XDH: variants seen among roughly 807,000 people sequenced by gnomAD.
XDH encodes the protein xanthine dehydrogenase/oxidase.
A neutral mutation model predicts 156.1 loss-of-function variants in XDH; 138 were observed. That is an observed-to-expected ratio of 0.88 (90% CI 0.77 to 1.02). The LOEUF is 1.02. XDH is among the 50% of genes least tolerant of loss of function. The pLI, the probability that XDH is intolerant of heterozygous loss-of-function variation, is 0.00. For missense variants in XDH, 1,849 were observed against 1,684.9 expected (o/e 1.10, Z -1.71); for synonymous variants, 669 against 625.7 (o/e 1.07, Z -1.03).
chr2:31,385,642 C>T (rs920728246), intron 9 of XDH, among the ~76,000 whole-genome samples: 3 of 152,196 alleles, frequency 2.0e-5, no homozygotes, highest in East Asian at 3.9e-4. Flanking sequence ...GTTTAGAAAT[C>T]GACAGAGATT....
intron 18 of XDH, among the ~76,000 whole-genome samples, chr2:31,368,950 G>T (rs1027493655): frequency 2.0e-5 from 3 of 152,168 alleles, no homozygotes; most frequent in African/African-American, 7.2e-5. Context: ...GCCATGAGCA[G>T]AAAGGGGGAT....
chr2:31,375,447 G>A lies in XDH; in HGVS notation c.1535C>T (p.Thr512Ile), dbSNP rs74874345. ...GGMVDFRCTL[T>I]LSFFFKFYLT... Reference sequence around the variant, plus strand: ...GTAGAACTTGAAGAAGAAGCTGAGGGTGAGGGTGCACCGGAAGTCCACCAT... The same window carrying A: ...GTAGAACTTGAAGAAGAAGCTGAGGATGAGGGTGCACCGGAAGTCCACCAT... Residue 512 changes from threonine to isoleucine, a missense_variant, in exon 15 of 36, where the codon ACC (threonine) becomes ATC (isoleucine). Transcript: ENST00000379416. 1 of 1,614,224 alleles carries A rather than the reference G, an allele frequency of 6.2e-7. No individual in the cohort carries two copies. The highest frequency in any genetic ancestry group is 8.5e-7 in the Non-Finnish European group (1 of 1,180,044).
chr2:31,370,374 G>T lies in XDH; in HGVS notation c.1961C>A (p.Thr654Lys), dbSNP rs1228023018. 1 of 1,614,126 alleles carries T rather than the reference G, an allele frequency of 6.2e-7. No individual in the cohort carries two copies. The highest frequency in any genetic ancestry group is 8.5e-7 in the Non-Finnish European group (1 of 1,180,032). The change falls in exon 18 of 36, where the codon ACA (threonine) becomes AAA (lysine). Residue 654 changes from threonine to lysine, a missense_variant. Coordinates refer to ENST00000379416, the MANE Select transcript of XDH (RefSeq NM_000379.4). The part of the protein sequence containing the change: ...SNITGICNDE[T>K]VFAKDKVTCV... ...ACTTACCTTATCCTTCGCAAAGACTGTCTCATCATTACAAATTCCAGTTAT... is the reference window on the plus strand; with the variant it reads ...ACTTACCTTATCCTTCGCAAAGACTTTCTCATCATTACAAATTCCAGTTAT...
At chr2:31,346,179 G>C (rs1457180043) in intron 30 of XDH, among the ~76,000 whole-genome samples, 2 of 152,172 alleles carry the variant, frequency 1.3e-5, no homozygotes, top group Non-Finnish European at 2.9e-5. Flanking sequence ...ACAGCCTCCC[G>C]CCTGCAAGAG....
intron 3 of XDH, among the ~76,000 whole-genome samples, chr2:31,401,827 G>A (rs1687068901): frequency 6.6e-6 from 1 of 152,206 alleles, no homozygotes. Flanking sequence ...CAAGCCCTTA[G>A]CTAGAACTTC....
At chr2:31,378,111 G>GA (rs1686310900) in intron 13 of XDH, among the ~76,000 whole-genome samples, 476 of 41,352 alleles carry the variant, frequency 0.012, no homozygotes, top group East Asian at 0.028. Flanking sequence ...AGAAAGAAAG[G>GA]AAGGAAGGAA....
intron 35 of XDH, among the ~76,000 whole-genome samples, chr2:31,337,132 C>A (rs1352894600): frequency 1.3e-5 from 2 of 152,046 alleles, no homozygotes; most frequent in Non-Finnish European, 2.9e-5. Context: ...ATCTGGTTTC[C>A]CAAGGTTGCA....
At chr2:31,400,346 C>A (rs1247843003) in intron 4 of XDH, among the ~76,000 whole-genome samples, 1 of 150,582 alleles carries the variant, frequency 6.6e-6, no homozygotes, top group Non-Finnish European at 1.5e-5. Context: ...TCACGCCATT[C>A]TCCTGCCTCA....
chr2:31,414,402 C>T (rs111257330), intron 1 of XDH, among the ~76,000 whole-genome samples: 25 of 151,704 alleles, frequency 1.6e-4, no homozygotes, highest in Admixed American at 1.3e-4. Context: ...CCTCTCTCTC[C>T]CTCATTCTTT....
At chr2:31,382,733 A>G (rs1393684531) in intron 11 of XDH, among the ~76,000 whole-genome samples, 3 of 152,132 alleles carry the variant, frequency 2.0e-5, no homozygotes, top group Admixed American at 1.3e-4. Flanking sequence ...AATGAAGCCT[A>G]TGAGTCGTGG....
intron 32 of XDH, 48 bp downstream of exon 32, chr2:31,342,135 T>C: frequency 1.3e-6 from 2 of 1,525,610 alleles, no homozygotes; most frequent in Middle Eastern, 1.7e-4. Context: ...AACTCAGTTG[T>C]TTCTCTTCTC....
intron 29 of XDH, 125 bp from the exon 30 acceptor site, chr2:31,346,968 G>C: frequency 1.6e-6 from 2 of 1,241,958 alleles, no homozygotes; most frequent in Non-Finnish European, 2.3e-6. Context: ...CACTCAAACA[G>C]CCTGGCCACC....
At chr2:31,365,601 G>C in intron 22 of XDH, 57 bp from the exon 23 acceptor site, 3 of 1,594,682 alleles carry the variant, frequency 1.9e-6, no homozygotes, top group Non-Finnish European at 2.6e-6. Flanking sequence ...GCTCAGCCCT[G>C]CAAGTCTCAG....
chr2:31,347,471 C>A, intron 29 of XDH, 51 bp downstream of exon 29: 1 of 1,611,766 alleles, frequency 6.2e-7, no homozygotes, highest in Non-Finnish European at 8.5e-7. Context: ...CTCTCCAGGC[C>A]CACAGCTCTG....
chr2:31,406,067 G>C, intron 1 of XDH, 103 bp from the exon 2 acceptor site: 2 of 1,312,710 alleles, frequency 1.5e-6, no homozygotes, highest in Non-Finnish European at 2.2e-6. Context: ...TGTAGAGTTA[G>C]TAGGAAGTGT....
chr2:31,387,028 G>A (rs1028592603), intron 8 of XDH, among the ~76,000 whole-genome samples: 1 of 125,348 alleles, frequency 8.0e-6, no homozygotes, highest in African/African-American at 3.1e-5. Flanking sequence ...AGGAAGGAAG[G>A]AAGGAAGGAA....
At chr2:31,378,888 A>G (rs184311008) in intron 13 of XDH, among the ~76,000 whole-genome samples, 503 of 152,270 alleles carry the variant, frequency 3.3e-3, no homozygotes, top group Admixed American at 7.7e-3. Context: ...TGAAATTCAA[A>G]ACTCTGGGAA....
intron 26 of XDH, 48 bp from the exon 27 acceptor site, chr2:31,349,028 G>A (rs1372908645): frequency 6.4e-7 from 1 of 1,553,912 alleles, no homozygotes; most frequent in Non-Finnish European, 8.9e-7. Context: ...TCATATTGAG[G>A]ACATGAATAT....
chr2:31,343,310 A>ATATATATATATATATATGCATGTT (rs1390373606), intron 31 of XDH, among the ~76,000 whole-genome samples: 4,078 of 100,200 alleles, frequency 0.041, 210 homozygotes, highest in African/African-American at 0.064. Flanking sequence ...ATATATATAT[A>ATATATATATATATATATGCATGTT]TATATATATA....
Sources: gnomAD v4.1 joint callset for allele counts (sites outside exome capture counted in the v4.1 genomes callset) on GRCh38, gnomAD v4.1.1 for gene constraint, MANE v1.5 for transcripts, NCBI Gene and HGNC (gene_info 2026-07-23, HGNC 2026-07-21) for gene names.